Variants in CDH12 observed in about 807,000 individuals in gnomAD.
The protein encoded by CDH12 is cadherin-12.
CDH12 carries 41 observed loss-of-function variants against 74.1 expected under a neutral mutation model. The ratio of observed to expected loss-of-function variants is 0.55; its 90% CI spans 0.43 to 0.72. CDH12 has a LOEUF of 0.72. Among genes scored for constraint, CDH12 ranks in the 30% least tolerant of loss-of-function variants. The pLI, the probability that CDH12 is intolerant of heterozygous loss-of-function variation, is 0.00. For synonymous variants in CDH12, 399 were observed against 355.0 expected (o/e 1.12, Z -1.39); for missense variants, 945 against 977.2 (o/e 0.97, Z 0.44).
At chr5:22,256,537 T>C (rs1753325282) in intron 3 of CDH12, among the ~76,000 whole-genome samples, 1 of 152,168 alleles carries the variant, frequency 6.6e-6, no homozygotes, top group African/African-American at 2.4e-5. Flanking sequence ...TATTTTAGAG[T>C]GTACTCCTTG....
At chr5:21,799,282 G>A (rs1045673234) in intron 10 of CDH12, among the ~76,000 whole-genome samples, 4 of 152,120 alleles carry the variant, frequency 2.6e-5, no homozygotes, top group Non-Finnish European at 4.4e-5. Context: ...AGATTTTTAA[G>A]CAAAGTGTTA....
intron 1 of CDH12, among the ~76,000 whole-genome samples, chr5:22,765,436 A>C (rs879842455): frequency 2.6e-5 from 4 of 151,996 alleles, no homozygotes; most frequent in Admixed American, 2.6e-4. Flanking sequence ...ACCTGGTTGA[A>C]TATAAAAATA....
chr5:21,786,272 G>A (rs770343324), intron 10 of CDH12, among the ~76,000 whole-genome samples: 4 of 152,110 alleles, frequency 2.6e-5, no homozygotes, highest in Non-Finnish European at 4.4e-5. Flanking sequence ...TCCTGCCTCA[G>A]CCTCCTCAGT....
chr5:22,253,964 C>A (rs564309830), intron 3 of CDH12, among the ~76,000 whole-genome samples: 6 of 151,948 alleles, frequency 3.9e-5, no homozygotes, highest in Admixed American at 6.6e-5. Context: ...GTGTCTTTCA[C>A]AAATATCGAT....
chr5:21,806,130 G>A (rs13169733), intron 9 of CDH12, among the ~76,000 whole-genome samples: 100,767 of 152,010 alleles, frequency 0.66, 35,216 homozygotes, highest in Non-Finnish European at 0.78. Context: ...TTGGGGAAGG[G>A]GGGAATTTTG....
chr5:22,666,538 C>A (rs1740634366), intron 1 of CDH12, among the ~76,000 whole-genome samples: 1 of 152,030 alleles, frequency 6.6e-6, no homozygotes, highest in South Asian at 2.1e-4. Flanking sequence ...GATCCGCCCA[C>A]CTCGGCCTCC....
intron 5 of CDH12, among the ~76,000 whole-genome samples, chr5:22,057,506 ATC>A (rs1740823908): frequency 6.6e-6 from 1 of 152,130 alleles, no homozygotes; most frequent in Non-Finnish European, 1.5e-5. Flanking sequence ...CAATATCAGA[ATC>A]TCTCTTCCCT....
At chr5:22,798,485 A>G (rs1173694244) in intron 1 of CDH12, among the ~76,000 whole-genome samples, 2 of 152,094 alleles carry the variant, frequency 1.3e-5, no homozygotes, top group Non-Finnish European at 2.9e-5. Flanking sequence ...TTTATGATAA[A>G]TATGTATTTT....
At chr5:22,733,908 C>T (rs1744558598) in intron 1 of CDH12, among the ~76,000 whole-genome samples, 3 of 151,796 alleles carry the variant, frequency 2.0e-5, no homozygotes, top group South Asian at 2.1e-4. Flanking sequence ...AGAGAGTCTG[C>T]CCAGACTTAC....
intron 10 of CDH12, among the ~76,000 whole-genome samples, chr5:21,791,310 C>A (rs2149907950): frequency 6.6e-6 from 1 of 152,104 alleles, no homozygotes; most frequent in South Asian, 2.1e-4. Flanking sequence ...GCAATGAAAC[C>A]ATTCCTACAT....
intron 3 of CDH12, among the ~76,000 whole-genome samples, chr5:22,311,702 C>CAAAAAAA (rs138539518): frequency 1.1e-5 from 1 of 94,712 alleles, no homozygotes; most frequent in Non-Finnish European, 2.1e-5. Context: ...GACTCCATCT[C>CAAAAAAA]AAAAAAAAAA....
intron 12 of CDH12, 26 bp from the exon 13 acceptor site, chr5:21,760,701 G>T: frequency 7.4e-7 from 1 of 1,360,194 alleles, no homozygotes; most frequent in South Asian, 1.2e-5. Context: ...GATTAAAGTC[G>T]GTCATCAGTT....
chr5:22,665,770 CA>C (rs1398050765), intron 1 of CDH12, among the ~76,000 whole-genome samples: 1 of 152,082 alleles, frequency 6.6e-6, no homozygotes, highest in African/African-American at 2.4e-5. Flanking sequence ...GTTGACCATC[CA>C]AATTATTTCC....
chr5:22,222,537 T>A (rs1469943566), intron 3 of CDH12, among the ~76,000 whole-genome samples: 1 of 151,946 alleles, frequency 6.6e-6, no homozygotes, highest in Non-Finnish European at 1.5e-5. Flanking sequence ...AAAGAATGAG[T>A]TATTTTTTTC....
intron 1 of CDH12, among the ~76,000 whole-genome samples, chr5:22,595,676 T>C (rs1374258350): frequency 4.6e-5 from 7 of 152,324 alleles, no homozygotes; most frequent in Non-Finnish European, 1.0e-4. Context: ...GTTGTAGTTA[T>C]TGTAACAGTA....
rs186579628 is a variant in CDH12 at position 22,026,478 on chromosome 5, G to C, written c.232-51093C>G. Reference sequence around the variant, plus strand: ...AACCTCCCATTCCCATCATGCACCTGATGCTATGACAGTTCCAGATTAACC... The same window carrying C: ...AACCTCCCATTCCCATCATGCACCTCATGCTATGACAGTTCCAGATTAACC... On this transcript the variant is annotated intron_variant, in intron 5 of 14. Transcript: ENST00000382254. 3.3e-3 allele frequency among the ~76,000 whole-genome samples: 501 copies of C among 152,228 alleles called. 4 individuals carry two copies. The highest frequency in any genetic ancestry group is 0.012 in the African/African-American group (481 of 41,548).
rs73070106 is a variant in CDH12 at position 22,782,787 on chromosome 5, T to C, written c.-523+70271A>G. On this transcript the variant is annotated intron_variant, in intron 1 of 14. Coordinates refer to ENST00000382254, the MANE Select transcript of CDH12 (RefSeq NM_004061.5). ...AATTACATATCGTATGTGGAAACCATGCACAGGATTTGGTGGAGCAGCATA... is the reference window on the plus strand; with the variant it reads ...AATTACATATCGTATGTGGAAACCACGCACAGGATTTGGTGGAGCAGCATA... Among the ~76,000 whole-genome samples, 673 of 152,256 alleles carry C rather than the reference T, an allele frequency of 4.4e-3. 4 individuals carry two copies. The highest frequency in any genetic ancestry group is 0.015 in the African/African-American group (637 of 41,558).
chr5:22,795,568 C>G (rs898707526), intron 1 of CDH12, among the ~76,000 whole-genome samples: 3 of 149,572 alleles, frequency 2.0e-5, no homozygotes, highest in African/African-American at 7.3e-5. Context: ...TACACATACA[C>G]ATATATAATA....
At chr5:22,737,344 A>G (rs1026976181) in intron 1 of CDH12, among the ~76,000 whole-genome samples, 5 of 151,958 alleles carry the variant, frequency 3.3e-5, no homozygotes, top group African/African-American at 4.8e-5. Context: ...GAAAATAAAT[A>G]ATAATAACAA....
Sources: gnomAD v4.1 joint callset for allele counts (sites outside exome capture counted in the v4.1 genomes callset) on GRCh38, gnomAD v4.1.1 for gene constraint, MANE v1.5 for transcripts, NCBI Gene and HGNC (gene_info 2026-07-23, HGNC 2026-07-21) for gene names.